MAEL: variants seen among roughly 807,000 people sequenced by gnomAD.
MAEL encodes protein maelstrom homolog.
A neutral mutation model predicts 62.0 loss-of-function variants in MAEL; 46 were observed. That is an observed-to-expected ratio of 0.74 (90% CI 0.59 to 0.95). The LOEUF (loss-of-function observed/expected upper bound fraction) is 0.95. Ranked by LOEUF, MAEL falls within the 40% of genes least tolerant of loss-of-function variation. The pLI, the probability that MAEL is intolerant of heterozygous loss-of-function variation, is 0.00. For missense variants in MAEL, 497 were observed against 526.8 expected, an observed-to-expected ratio of 0.94 and a Z score of 0.55; for synonymous variants, 172 against 175.5, an observed-to-expected ratio of 0.98 and a Z score of 0.16.
At chr1:167,000,177 T>G (rs996245735) in intron 5 of MAEL, among the ~76,000 whole-genome samples, 1 of 152,200 alleles carries the variant, frequency 6.6e-6, no homozygotes, top group African/African-American at 2.4e-5. Context: ...TCATAAATGG[T>G]GATTCTTCTT....
At chr1:166,992,444 A>T (rs1221862066) in intron 3 of MAEL, among the ~76,000 whole-genome samples, 2 of 152,100 alleles carry the variant, frequency 1.3e-5, no homozygotes, top group Non-Finnish European at 2.9e-5. Context: ...TGCAAGTTGG[A>T]ATAATTTTGT....
chr1:167,003,812 G>A (rs1399417035), intron 5 of MAEL, among the ~76,000 whole-genome samples: 3 of 152,144 alleles, frequency 2.0e-5, no homozygotes, highest in Admixed American at 6.6e-5. Flanking sequence ...TTACTGTTAA[G>A]TTCTCAAGCC....
rs1171269625 is a variant in MAEL at position 167,022,151 on chromosome 1, T to C, written c.*296T>C. 4 of 249,332 alleles carry C rather than the reference T, an allele frequency of 1.6e-5. No homozygotes were observed. Among genetic ancestry groups the C allele is most frequent in the East Asian group, 8.3e-5 (1 of 12,048 alleles). 15.4% of individuals were successfully genotyped at this position (249,332 alleles called of 1,614,324 possible). A position where few individuals can be genotyped will look rare whatever the true frequency, so the allele number is the denominator to read the frequency against. On this transcript the variant is annotated 3_prime_UTR_variant, in exon 12 of 12. Coordinates refer to ENST00000367872, the MANE Select transcript of MAEL (RefSeq NM_032858.3). ...TAGAGTTGTACTTTTGGGAATGTTA[T>C]AGATTGATCATTCTTTCTCCTGATA...
intron 10 of MAEL, among the ~76,000 whole-genome samples, chr1:167,020,151 A>T (rs1189206931): frequency 6.6e-6 from 1 of 151,996 alleles, no homozygotes; most frequent in African/African-American, 2.4e-5. Flanking sequence ...TCATTGCACA[A>T]CTCCAGGACA....
At chr1:166,994,666 ATTT>A (rs35009494) in intron 5 of MAEL, among the ~76,000 whole-genome samples, 1 of 119,598 alleles carries the variant, frequency 8.4e-6, no homozygotes, top group South Asian at 2.7e-4. Context: ...CTGTAAGGTA[ATTT>A]TTTTTTTTTT....
At chr1:166,991,024 C>CTTT (rs780442681) in intron 2 of MAEL, among the ~76,000 whole-genome samples, 1 of 152,170 alleles carries the variant, frequency 6.6e-6, no homozygotes, top group Non-Finnish European at 1.5e-5. Flanking sequence ...CTGGTTTTGA[C>CTTT]TTTAAGTGAA....
In MAEL at chr1:166,991,409, G is replaced by A. The variant is rs372850622; in HGVS notation, c.257G>A (p.Gly86Asp). The A allele has an allele frequency of 1.3e-5, 21 of 1,613,110 alleles. 1 individual carries two copies. The South Asian group carries it at 2.1e-4, about 16-fold the overall frequency. Residue 86 changes from glycine (G) to aspartate (D), a missense_variant, in exon 3 of 12, where the codon GGC becomes GAC. Physicochemically the swap from Gly to Asp is moderately conservative, Grantham distance 94. Transcript: ENST00000367872. ...KPVFTPLRRP[G>D]MLVPKQNVSP... The stretch of plus-strand genomic sequence containing the variant: ...GTTTTCACACCACTGAGGAGGCCAG[G>A]CATGCTTGTACCAAAGCAGAATGTT...
chr1:167,012,517 C>G (rs1181478568), intron 8 of MAEL: 1 of 152,064 alleles, frequency 6.6e-6, no homozygotes, highest in Admixed American at 6.6e-5. Flanking sequence ...CAAAGGTGAG[C>G]AGAATTAATG....
At chr1:167,017,718 T>C in intron 9 of MAEL, 109 bp from the exon 10 acceptor site, 1 of 1,015,066 alleles carries the variant, frequency 9.9e-7, no homozygotes. Context: ...TTTTTCCCAG[T>C]TTATAACAGT....
rs1663745295 is a variant in MAEL, at chr1:166,981,054, G to A, written c.-121+5388G>A. On this transcript the variant is annotated intron_variant, in intron 1 of 12. Transcript: ENST00000622874. ...AGCAAATGGGCAGGGAAGAGAGCTA[G>A]AATGAGAAGGCCAGAACATGGAGCA... Among the ~76,000 whole-genome samples, 3 of 152,220 alleles carry A rather than the reference G, an allele frequency of 2.0e-5. No homozygotes were observed. The South Asian group carries it at 6.2e-4, about 32-fold the overall frequency.
chr1:166,992,974 A>G (rs1478387421), intron 4 of MAEL, 133 bp downstream of exon 4: 14 of 748,996 alleles, frequency 1.9e-5, no homozygotes, highest in Non-Finnish European at 2.7e-5. Context: ...AAGACTTCAT[A>G]ATGCTTATTG....
At chr1:166,986,869 A>G (rs997304909), upstream of MAEL, among the ~76,000 whole-genome samples, 16 of 151,958 alleles carry the variant, frequency 1.1e-4, no homozygotes, top group Non-Finnish European at 1.6e-4. Context: ...AAAGATCAAT[A>G]AAATAAACAA....
chr1:167,015,596 C>A (rs1245373598), intron 8 of MAEL, among the ~76,000 whole-genome samples: 1 of 152,104 alleles, frequency 6.6e-6, no homozygotes, highest in Non-Finnish European at 1.5e-5. Flanking sequence ...GTGTTTGTAA[C>A]CTTGTATTGA....
chr1:167,021,059 C>T, intron 10 of MAEL, 26 bp from the exon 11 acceptor site: 1 of 1,527,838 alleles, frequency 6.5e-7, no homozygotes. Context: ...ACATTTTTCC[C>T]CCTGGTATTT....
chr1:167,012,414 A>G (rs565921581), intron 8 of MAEL: 12 of 152,276 alleles, frequency 7.9e-5, no homozygotes, highest in African/African-American at 2.6e-4. Context: ...TTCTTGGACT[A>G]ATTCACTGTC....
chr1:167,021,521 T>A, intron 11 of MAEL, 147 bp from the exon 12 acceptor site: 1 of 588,730 alleles, frequency 1.7e-6, no homozygotes, highest in Non-Finnish European at 2.8e-6. Flanking sequence ...AATTAAAAGT[T>A]TCCTGGGCTA....
At chr1:166,989,142 C>A, upstream of MAEL, 4 of 665,352 alleles carry the variant, frequency 6.0e-6, no homozygotes, top group Non-Finnish European at 7.4e-6. Context: ...CGCTCTCCCC[C>A]CACCTCACCC....
upstream of MAEL, among the ~76,000 whole-genome samples, chr1:166,988,413 G>T (rs891473169): frequency 7.4e-6 from 1 of 134,342 alleles, no homozygotes; most frequent in African/African-American, 2.7e-5. Context: ...AAAAGATCCA[G>T]AAATTTAGCA....
At chr1:167,002,279 G>C (rs1014778504) in intron 5 of MAEL, among the ~76,000 whole-genome samples, 1 of 152,128 alleles carries the variant, frequency 6.6e-6, no homozygotes, top group Non-Finnish European at 1.5e-5. Flanking sequence ...TTTGGGAATA[G>C]ATTTTAAGAT....
Sources: allele counts gnomAD v4.1 joint callset (sites outside exome capture counted in the v4.1 genomes callset), GRCh38; gene constraint gnomAD v4.1.1; transcripts MANE v1.5; gene names NCBI Gene and HGNC (gene_info 2026-07-23, HGNC 2026-07-21).